The following TTC28 variants were observed in gnomAD, a reference collection of about 807,000 sequenced individuals.
TTC28 encodes tetratricopeptide repeat protein 28.
In TTC28, 61 loss-of-function variants were observed where a neutral mutation model predicts 198.0. The ratio of observed to expected loss-of-function variants is 0.31; its 90% CI spans 0.25 to 0.38. The LOEUF (loss-of-function observed/expected upper bound fraction) is 0.38, where lower values mean the gene tolerates loss of function less well. TTC28 is among the 10% of genes least tolerant of loss of function. TTC28 has a pLI of 1.00. For missense variants in TTC28, 2,678 were observed against 3,164.0 expected (o/e 0.85, Z 3.69); for synonymous variants, 1,171 against 1,297.8 (o/e 0.90, Z 2.10).
At chr22:28,641,919 A>G (rs1239946834) in intron 1 of TTC28, among the ~76,000 whole-genome samples, 1 of 152,178 alleles carries the variant, frequency 6.6e-6, no homozygotes, top group African/African-American at 2.4e-5. Context: ...GTTCTCTAAG[A>G]AAGTATTTCC....
chr22:28,429,619 TTTC>T (rs1205425259), intron 2 of TTC28, among the ~76,000 whole-genome samples: 3 of 152,200 alleles, frequency 2.0e-5, no homozygotes, highest in Non-Finnish European at 2.9e-5. Context: ...ATGTCCATCA[TTTC>T]TTTTTCAATA....
chr22:28,197,732 AGT>A (rs1925520588), intron 5 of TTC28, among the ~76,000 whole-genome samples: 1 of 152,100 alleles, frequency 6.6e-6, no homozygotes. Flanking sequence ...ATTCACTAAC[AGT>A]GTGGGTGTGC....
At chr22:28,511,411 G>T (rs892751614) in intron 2 of TTC28, among the ~76,000 whole-genome samples, 1 of 152,282 alleles carries the variant, frequency 6.6e-6, no homozygotes, top group South Asian at 2.1e-4. Context: ...ATGAGGAAAG[G>T]ATTCCCTATT....
At chr22:28,214,979 G>C (rs763662062) in intron 5 of TTC28, among the ~76,000 whole-genome samples, 1 of 152,170 alleles carries the variant, frequency 6.6e-6, no homozygotes, top group East Asian at 1.9e-4. Context: ...CACGTCCTTC[G>C]TAGGGACATG....
intron 12 of TTC28, among the ~76,000 whole-genome samples, chr22:28,031,125 A>G (rs1232419305): frequency 1.3e-5 from 2 of 152,240 alleles, no homozygotes; most frequent in African/African-American, 4.8e-5. Flanking sequence ...TAAAATGGCA[A>G]AAGGCTTATT....
intron 5 of TTC28, among the ~76,000 whole-genome samples, chr22:28,174,899 T>C (rs907736111): frequency 1.2e-4 from 18 of 152,104 alleles, no homozygotes; most frequent in Non-Finnish European, 2.1e-4. Flanking sequence ...GGTCTGTTGG[T>C]TGGTTCCTTT....
intron 6 of TTC28, among the ~76,000 whole-genome samples, chr22:28,149,666 G>A (rs1211257849): frequency 1.3e-5 from 2 of 152,140 alleles, no homozygotes; most frequent in African/African-American, 4.8e-5. Context: ...GTCTTCAGGG[G>A]CTATAACACA....
Position 28,639,456 on chromosome 22 carries a change from C to T in TTC28, c.103-9626G>A, listed in dbSNP as rs542917671. Among the ~76,000 whole-genome samples, 7 of 152,258 alleles carry T rather than the reference C, an allele frequency of 4.6e-5. No individual in the cohort carries two copies. In the South Asian group the frequency reaches 8.3e-4, roughly 18 times the overall value. On this transcript the variant is annotated intron_variant, in intron 1 of 22. Transcript: ENST00000397906. ...AAGATGCCATATGGATGAGCAAAGGCATATGTTAGTTGTGTACTGATATGG... is the reference window on the plus strand; with the variant it reads ...AAGATGCCATATGGATGAGCAAAGGTATATGTTAGTTGTGTACTGATATGG...
intron 2 of TTC28, among the ~76,000 whole-genome samples, chr22:28,557,171 A>G (rs190316327): frequency 1.3e-5 from 2 of 152,336 alleles, no homozygotes; most frequent in African/African-American, 4.8e-5. Context: ...CTGCTTTGTC[A>G]AAGTTGAGCT....
At chr22:28,431,687 A>T (rs1378903812) in intron 2 of TTC28, among the ~76,000 whole-genome samples, 2 of 152,196 alleles carry the variant, frequency 1.3e-5, no homozygotes, top group East Asian at 1.9e-4. Flanking sequence ...TTTAAATATC[A>T]GTAATATAGG....
At chr22:28,415,540 A>G (rs1455150183) in intron 2 of TTC28, among the ~76,000 whole-genome samples, 1 of 152,232 alleles carries the variant, frequency 6.6e-6, no homozygotes, top group Non-Finnish European at 1.5e-5. Context: ...ACGTCCTTTT[A>G]GAGATAGAAT....
Position 28,410,350 on chromosome 22 carries a change from C to T in TTC28, c.382-103707G>A, listed in dbSNP as rs181229248. Among the ~76,000 whole-genome samples the T allele has an allele frequency of 2.6e-4, 39 of 152,280 alleles. No homozygotes were observed. In the East Asian group the frequency reaches 6.9e-3, roughly 27 times the overall value. On this transcript the variant is annotated intron_variant, in intron 2 of 22. Coordinates refer to ENST00000397906, the MANE Select transcript of TTC28 (RefSeq NM_001145418.2). ...ACATAGGCATTTCCCTCTGTCATTC[C>T]TCATTTTAAATAATTTAAAATCACC...
intron 2 of TTC28, among the ~76,000 whole-genome samples, chr22:28,386,621 C>T (rs992992954): frequency 6.6e-6 from 1 of 151,938 alleles, no homozygotes; most frequent in Non-Finnish European, 1.5e-5. Flanking sequence ...TACTATGACT[C>T]CATAGGGTCT....
chr22:28,294,293 T>G (rs1015344630), intron 5 of TTC28, among the ~76,000 whole-genome samples: 6 of 152,136 alleles, frequency 3.9e-5, no homozygotes, highest in African/African-American at 1.2e-4. Flanking sequence ...ATCCTCATAA[T>G]TCAATGATTT....
At chr22:28,670,295 G>A (rs1220805879) in intron 1 of TTC28, among the ~76,000 whole-genome samples, 1 of 151,978 alleles carries the variant, frequency 6.6e-6, no homozygotes, top group Non-Finnish European at 1.5e-5. Context: ...TCTAATTTTA[G>A]AATAGTCTCA....
chr22:28,218,641 C>T (rs986800545), intron 5 of TTC28, among the ~76,000 whole-genome samples: 10 of 152,070 alleles, frequency 6.6e-5, no homozygotes, highest in African/African-American at 2.4e-4. Flanking sequence ...TTCTTTTAGA[C>T]AACCAGTGAT....
intron 2 of TTC28, among the ~76,000 whole-genome samples, chr22:28,409,660 TTTC>T (rs1251505583): frequency 3.3e-5 from 5 of 150,472 alleles, no homozygotes; most frequent in Admixed American, 2.0e-4. Flanking sequence ...GCTTTTTCTT[TTTC>T]TTTTTTTTTT....
chr22:28,564,465 A>G (rs538233492), intron 2 of TTC28, among the ~76,000 whole-genome samples: 45 of 152,222 alleles, frequency 3.0e-4, no homozygotes, highest in African/African-American at 1.1e-3. Flanking sequence ...TATTTGTCCA[A>G]TTTGGTTTTA....
At chr22:28,284,464 T>G (rs1832075440) in intron 5 of TTC28, among the ~76,000 whole-genome samples, 1 of 152,170 alleles carries the variant, frequency 6.6e-6, no homozygotes. Context: ...ATTTAAAATA[T>G]GTATTGGATA....
Sources: gnomAD v4.1 joint callset for allele counts (sites outside exome capture counted in the v4.1 genomes callset) on GRCh38, gnomAD v4.1.1 for gene constraint, MANE v1.5 for transcripts, NCBI Gene and HGNC (gene_info 2026-07-23, HGNC 2026-07-21) for gene names.